The following HS6ST3 variants were observed in gnomAD, a reference collection of about 807,000 sequenced individuals.
HS6ST3 encodes heparan-sulfate 6-O-sulfotransferase 3.
A neutral mutation model predicts 36.7 loss-of-function variants in HS6ST3; 12 were observed. The observed-to-expected ratio is 0.33, with a 90% CI of 0.21 to 0.53. HS6ST3 has a LOEUF of 0.53. HS6ST3 is among the 20% of genes least tolerant of loss of function. HS6ST3 has a pLI of 0.95. For missense variants in HS6ST3, 584 were observed against 640.9 expected (o/e 0.91, Z 0.96); for synonymous variants, 240 against 257.5 (o/e 0.93, Z 0.65).
intron 1 of HS6ST3, among the ~76,000 whole-genome samples, chr13:96,603,348 C>T (rs2056428202): frequency 1.3e-5 from 2 of 152,158 alleles, no homozygotes; most frequent in African/African-American, 4.8e-5. Flanking sequence ...CTTGTCTTTG[C>T]CTTCTGTTGC....
intron 1 of HS6ST3, among the ~76,000 whole-genome samples, chr13:96,674,875 C>T (rs895018955): frequency 1.3e-5 from 2 of 152,196 alleles, no homozygotes; most frequent in Admixed American, 6.5e-5. Flanking sequence ...CTCTCACATT[C>T]TCAAGAGAAA....
At chr13:96,171,316 C>G (rs570640028) in intron 1 of HS6ST3, among the ~76,000 whole-genome samples, 2 of 152,208 alleles carry the variant, frequency 1.3e-5, no homozygotes, top group Admixed American at 6.5e-5. Flanking sequence ...TGCATCTGTC[C>G]TGCGTGAGTG....
At chr13:96,365,351 A>T (rs1429596135) in intron 1 of HS6ST3, among the ~76,000 whole-genome samples, 1 of 152,208 alleles carries the variant, frequency 6.6e-6, no homozygotes, top group East Asian at 1.9e-4. Flanking sequence ...TTTTGTGTTT[A>T]TGAATATTCT....
intron 1 of HS6ST3, among the ~76,000 whole-genome samples, chr13:96,831,961 A>AAAAAAAAAAAAC (rs2138550107): frequency 7.0e-6 from 1 of 143,882 alleles, no homozygotes; most frequent in African/African-American, 2.6e-5. Context: ...TCTCAAAAAA[A>AAAAAAAAAAAAC]AAAAAAAAAA....
intron 1 of HS6ST3, among the ~76,000 whole-genome samples, chr13:96,118,643 A>AATATAT (rs2053905043): frequency 1.5e-5 from 1 of 67,984 alleles, no homozygotes. Context: ...AAGAACATTA[A>AATATAT]AGATATATAT....
At chr13:96,788,234 A>G (rs1877700213) in intron 1 of HS6ST3, among the ~76,000 whole-genome samples, 1 of 151,860 alleles carries the variant, frequency 6.6e-6, no homozygotes, top group Middle Eastern at 3.2e-3. Flanking sequence ...TTGCCTCTCT[A>G]GTTAAATTTT....
intron 1 of HS6ST3, among the ~76,000 whole-genome samples, chr13:96,199,194 A>G (rs147983143): frequency 1.2e-4 from 18 of 152,322 alleles, no homozygotes; most frequent in East Asian, 7.7e-4. Flanking sequence ...GGGAGCTACA[A>G]TTCAAGTTGA....
intron 1 of HS6ST3, among the ~76,000 whole-genome samples, chr13:96,760,261 C>A (rs571973419): frequency 8.5e-5 from 13 of 152,096 alleles, no homozygotes; most frequent in African/African-American, 2.9e-4. Flanking sequence ...TCTTCAGATA[C>A]AAGCATGTAT....
In HS6ST3 at chr13:96,491,472, CAA is replaced by C. The variant is rs10632047; in HGVS notation, c.708-341001_708-341000del. Reference sequence around the variant, plus strand: ...ACTTTATAATTGTAGTACTAATGTGCAAAAAAAAAAAAAAAAAATACCCAGAA... The same window carrying C: ...ACTTTATAATTGTAGTACTAATGTGCAAAAAAAAAAAAAAAATACCCAGAA... On this transcript the variant is annotated intron_variant, in intron 1 of 1. Transcript: ENST00000376705. Among the ~76,000 whole-genome samples the C allele has an allele frequency of 7.7e-3, 947 of 123,676 alleles. 9 individuals carry two copies. Among genetic ancestry groups the C allele is most frequent in the African/African-American group, 0.029 (892 of 31,214 alleles). The allele number at this position is 123,676 out of a possible 152,430, so 81.1% of individuals were successfully genotyped here. A position where few individuals can be genotyped will look rare whatever the true frequency, so the allele number is the denominator to read the frequency against.
chr13:96,255,612 T>A (rs1042921674), intron 1 of HS6ST3, among the ~76,000 whole-genome samples: 2 of 152,152 alleles, frequency 1.3e-5, no homozygotes, highest in African/African-American at 4.8e-5. Context: ...CTGGTTGTGA[T>A]TTTTTAGGAG....
intron 1 of HS6ST3, among the ~76,000 whole-genome samples, chr13:96,551,457 A>G (rs1002543438): frequency 1.3e-5 from 2 of 152,194 alleles, no homozygotes; most frequent in African/African-American, 4.8e-5. Context: ...TGTCATTGGC[A>G]GACGTTGTAT....
chr13:96,196,936 T>G (rs2054317215), intron 1 of HS6ST3, among the ~76,000 whole-genome samples: 1 of 152,244 alleles, frequency 6.6e-6, no homozygotes, highest in South Asian at 2.1e-4. Flanking sequence ...TACTCCAAAA[T>G]GCAACTTTCT....
At chr13:96,261,851 T>C (rs2054668160) in intron 1 of HS6ST3, among the ~76,000 whole-genome samples, 1 of 152,238 alleles carries the variant, frequency 6.6e-6, no homozygotes, top group Admixed American at 6.5e-5. Context: ...AGGTATTTTA[T>C]GGTTCCAGAC....
intron 1 of HS6ST3, among the ~76,000 whole-genome samples, chr13:96,208,790 G>A (rs149841223): frequency 0.016 from 2,378 of 152,246 alleles, 31 homozygotes; most frequent in Non-Finnish European, 0.024. Flanking sequence ...AATTAAAAGG[G>A]TACGAGGTGA....
At chr13:96,576,683 T>A (rs1312604917) in intron 1 of HS6ST3, among the ~76,000 whole-genome samples, 1 of 152,146 alleles carries the variant, frequency 6.6e-6, no homozygotes, top group Non-Finnish European at 1.5e-5. Context: ...GGCTCATGCC[T>A]GTAATCCCAG....
intron 1 of HS6ST3, among the ~76,000 whole-genome samples, chr13:96,506,944 C>T (rs959830066): frequency 6.6e-6 from 1 of 152,072 alleles, no homozygotes; most frequent in African/African-American, 2.4e-5. Flanking sequence ...ATGTTGTTTT[C>T]CACACCCGTG....
chr13:96,453,459 C>G (rs1218548402), intron 1 of HS6ST3, among the ~76,000 whole-genome samples: 1 of 152,128 alleles, frequency 6.6e-6, no homozygotes, highest in Non-Finnish European at 1.5e-5. Flanking sequence ...GTTTGTCACA[C>G]AAACACCCTT....
intron 1 of HS6ST3, among the ~76,000 whole-genome samples, chr13:96,732,331 T>C (rs1461081331): frequency 6.6e-6 from 1 of 152,038 alleles, no homozygotes; most frequent in African/African-American, 2.4e-5. Context: ...TCTTCAGCCA[T>C]TTTTGAGTTG....
At chr13:96,591,055 G>GT (rs58622082) in intron 1 of HS6ST3, among the ~76,000 whole-genome samples, 1,971 of 140,572 alleles carry the variant, frequency 0.014, 12 homozygotes, top group African/African-American at 0.027. Context: ...CTAGATGTCT[G>GT]TTTTTTTTTT....
Sources: gnomAD v4.1 joint callset for allele counts (sites outside exome capture counted in the v4.1 genomes callset) on GRCh38, gnomAD v4.1.1 for gene constraint, MANE v1.5 for transcripts, NCBI Gene and HGNC (gene_info 2026-07-23, HGNC 2026-07-21) for gene names.